PLCB1: variants seen among roughly 807,000 people sequenced by gnomAD.
PLCB1 encodes the protein phospholipase C beta 1, also known as 1-phosphatidylinositol 4,5-bisphosphate phosphodiesterase beta-1.
PLCB1 carries 46 observed loss-of-function variants against 161.8 expected under a neutral mutation model. The observed-to-expected ratio is 0.28, with a 90% CI of 0.22 to 0.36. The LOEUF (loss-of-function observed/expected upper bound fraction) is 0.36, where lower values mean the gene tolerates loss of function less well. Ranked by LOEUF, PLCB1 falls within the 10% of genes least tolerant of loss-of-function variation. PLCB1 has a pLI of 1.00. For synonymous variants in PLCB1, 517 were observed against 503.7 expected (o/e 1.03, Z -0.35); for missense variants, 1,016 against 1,472.5 (o/e 0.69, Z 5.07).
chr20:8,708,616 A>G, intron 11 of PLCB1, 54 bp from the exon 12 acceptor site: 1 of 1,056,288 alleles, frequency 9.5e-7, no homozygotes. Flanking sequence ...CCTTTCAAGA[A>G]TATACAGATG....
At chr20:8,387,989 A>T (rs547219628) in intron 3 of PLCB1, among the ~76,000 whole-genome samples, 9 of 151,548 alleles carry the variant, frequency 5.9e-5, no homozygotes, top group East Asian at 1.9e-4. Context: ...AAAAAAAAAA[A>T]AAAAAAAAGA....
chr20:8,647,311 T>C (rs1309448880), intron 5 of PLCB1, among the ~76,000 whole-genome samples: 1 of 152,252 alleles, frequency 6.6e-6, no homozygotes, highest in African/African-American at 2.4e-5. Flanking sequence ...TAGCATGTTA[T>C]TGCTAGTTGG....
intron 2 of PLCB1, among the ~76,000 whole-genome samples, chr20:8,223,501 C>A (rs934988008): frequency 2.0e-5 from 3 of 152,060 alleles, no homozygotes; most frequent in Non-Finnish European, 4.4e-5. Context: ...TGACTGCTTA[C>A]TACTGATTGT....
chr20:8,597,015 G>C, intron 3 of PLCB1, among the ~76,000 whole-genome samples: 1 of 148,708 alleles, frequency 6.7e-6, no homozygotes, highest in Non-Finnish European at 1.5e-5. Flanking sequence ...GAGACAATGG[G>C]GTTTTCTAGA....
At chr20:8,732,560 G>A (rs1301763433) in intron 18 of PLCB1, among the ~76,000 whole-genome samples, 2 of 147,948 alleles carry the variant, frequency 1.4e-5, no homozygotes, top group Non-Finnish European at 3.0e-5. Context: ...CTAATATATT[G>A]TATTAGATAT....
At chr20:8,439,763 A>AT (rs540358018) in intron 3 of PLCB1, among the ~76,000 whole-genome samples, 21 of 150,574 alleles carry the variant, frequency 1.4e-4, no homozygotes, top group South Asian at 4.2e-4. Context: ...CACTGGTTAG[A>AT]TTTTTTTTTC....
chr20:8,644,128 G>A (rs1259683631), intron 4 of PLCB1, among the ~76,000 whole-genome samples: 3 of 152,158 alleles, frequency 2.0e-5, no homozygotes, highest in East Asian at 1.9e-4. Flanking sequence ...GTGCAGTGGC[G>A]TGATCTCGGC....
chr20:8,644,636 C>T (rs570803374), intron 4 of PLCB1, among the ~76,000 whole-genome samples: 2 of 151,850 alleles, frequency 1.3e-5, no homozygotes, highest in African/African-American at 4.8e-5. Context: ...CCCCTCTGCC[C>T]GGCAGCCAAC....
intron 1 of PLCB1, among the ~76,000 whole-genome samples, chr20:8,144,239 A>G (rs1168993705): frequency 5.9e-5 from 9 of 152,124 alleles, no homozygotes. Context: ...CCAGAGCTAT[A>G]TGTTACTGAA....
At chr20:8,335,432 C>A (rs1985536163) in intron 2 of PLCB1, among the ~76,000 whole-genome samples, 1 of 152,194 alleles carries the variant, frequency 6.6e-6, no homozygotes, top group Non-Finnish European at 1.5e-5. Context: ...TAACCCACAA[C>A]CTCCTAAATA....
In PLCB1 at chr20:8,866,065, T is replaced by A. The variant is rs150048684; in HGVS notation, c.3424-15557T>A. Among the ~76,000 whole-genome samples, 269 of 152,268 alleles carry A rather than the reference T, an allele frequency of 1.8e-3. 1 individual carries two copies. Among genetic ancestry groups the A allele is most frequent in the Admixed American group, 3.9e-3 (60 of 15,304 alleles). The stretch of plus-strand genomic sequence containing the variant: ...AGAAATGGATCTATTAACAAAAGGA[T>A]CTGGGCTAGAAGACTTACAAAAGAG... On this transcript the variant is annotated intron_variant, in intron 31 of 31. Transcript: ENST00000338037.
At chr20:8,737,300 C>A in intron 20 of PLCB1, 108 bp downstream of exon 20, 1 of 958,092 alleles carries the variant, frequency 1.0e-6, no homozygotes, top group Non-Finnish European at 1.6e-6. Flanking sequence ...AAAATTTACA[C>A]ACTTATAAAG....
intron 23 of PLCB1, among the ~76,000 whole-genome samples, chr20:8,754,196 T>C (rs1164988749): frequency 2.0e-5 from 3 of 152,218 alleles, no homozygotes; most frequent in African/African-American, 7.2e-5. Flanking sequence ...AGGTGGAGGC[T>C]TTGTCTCACA....
chr20:8,230,296 TG>T (rs1979959880), intron 2 of PLCB1, among the ~76,000 whole-genome samples: 1 of 152,124 alleles, frequency 6.6e-6, no homozygotes, highest in Admixed American at 6.6e-5. Context: ...GGGATACATG[TG>T]GTTATGGGAT....
chr20:8,541,872 C>T (rs1985346870), intron 3 of PLCB1, among the ~76,000 whole-genome samples: 1 of 152,130 alleles, frequency 6.6e-6, no homozygotes, highest in Non-Finnish European at 1.5e-5. Context: ...CTCCCTTTTG[C>T]ATTTTGAAGT....
chr20:8,750,760 T>A, intron 23 of PLCB1: 1 of 978,058 alleles, frequency 1.0e-6, no homozygotes, highest in Non-Finnish European at 1.5e-6. Flanking sequence ...AGGGAAAGGC[T>A]GGCTCTAACA....
rs537252449 is a variant in PLCB1 at position 8,849,857 on chromosome 20, A to G, written c.3424-31765A>G. On this transcript the variant is annotated intron_variant, in intron 31 of 31. Coordinates refer to ENST00000338037, the MANE Select transcript of PLCB1 (RefSeq NM_015192.4). ...GTGAAACCTCATATCTACTAAAAAT[A>G]CAAAAATTAGCTGGGCATGCTGGTG... Among the ~76,000 whole-genome samples the G allele has an allele frequency of 5.9e-5, 9 of 151,790 alleles. No individual in the cohort carries two copies. In the South Asian group the frequency reaches 1.5e-3, roughly 25 times the overall value.
intron 2 of PLCB1, among the ~76,000 whole-genome samples, chr20:8,348,640 C>T (rs1986076513): frequency 6.6e-6 from 1 of 152,170 alleles, no homozygotes; most frequent in African/African-American, 2.4e-5. Flanking sequence ...GCCTGGTCTC[C>T]TACCTCCAGG....
intron 2 of PLCB1, chr20:8,305,567 C>G (rs528428668): frequency 6.6e-6 from 1 of 152,138 alleles, no homozygotes; most frequent in African/African-American, 2.4e-5. Flanking sequence ...GTGCCAACCA[C>G]CTGTGGTAAA....
Sources: gnomAD v4.1 joint callset for allele counts (sites outside exome capture counted in the v4.1 genomes callset) on GRCh38, gnomAD v4.1.1 for gene constraint, MANE v1.5 for transcripts, NCBI Gene and HGNC (gene_info 2026-07-23, HGNC 2026-07-21) for gene names.